PRKCI: variants seen among roughly 807,000 people sequenced by gnomAD.
The protein encoded by PRKCI is protein kinase C iota.
In PRKCI, 43 loss-of-function variants were observed where a neutral mutation model predicts 84.0. That is an observed-to-expected ratio of 0.51 (90% CI 0.40 to 0.66). PRKCI has a LOEUF of 0.66. PRKCI is among the 30% of genes least tolerant of loss of function. The pLI is 0.00. For synonymous variants in PRKCI, 216 were observed against 234.4 expected (o/e 0.92, Z 0.72); for missense variants, 459 against 745.6 (o/e 0.62, Z 4.48).
chr3:170,248,853 C>CTTTTT (rs35355260), intron 2 of PRKCI, among the ~76,000 whole-genome samples: 1 of 142,454 alleles, frequency 7.0e-6, no homozygotes, highest in African/African-American at 2.6e-5. Context: ...TTTTTCTTTT[C>CTTTTT]TTTTTTTTTT....
Position 170,299,094 on chromosome 3 carries a change from C to T in PRKCI, c.1687C>T (p.Leu563Phe), listed in dbSNP as rs139167704. 3.1e-6 allele frequency: 5 copies of T among 1,596,096 alleles called. No homozygotes were observed. The highest frequency in any genetic ancestry group is 4.3e-6 in the Non-Finnish European group (5 of 1,173,470). ...DSQFTNEPVQ[L>F]TPDDDDIVRK... The stretch of plus-strand genomic sequence containing the variant: ...TCAGTTTACTAATGAACCTGTCCAG[C>T]TCACTCCAGATGACGAGTAAGTAAT... Residue 563 changes from leucine (L) to phenylalanine (F), a missense_variant, in exon 17 of 18, where the codon CTC becomes TTC. Leu to Phe is a conservative substitution (Grantham distance 22). Around this residue, in one of 2 missense-constraint regions of PRKCI, gnomAD observed 209 missense variants for 425.9 expected, o/e 0.49. Transcript: ENST00000295797.
intron 2 of PRKCI, among the ~76,000 whole-genome samples, chr3:170,250,687 T>C (rs144037570): frequency 5.4e-4 from 82 of 152,358 alleles, no homozygotes; most frequent in African/African-American, 1.8e-3. Flanking sequence ...TTGTGAGTAA[T>C]GTTGCTACGA....
chr3:170,229,556 C>A (rs966221869), intron 1 of PRKCI, among the ~76,000 whole-genome samples: 4 of 152,206 alleles, frequency 2.6e-5, no homozygotes, highest in African/African-American at 9.6e-5. Flanking sequence ...CTCGGCCTCT[C>A]AAAGTGTAGA....
intron 1 of PRKCI, among the ~76,000 whole-genome samples, chr3:170,230,165 CTT>C (rs545430768): frequency 1.2e-4 from 16 of 134,866 alleles, no homozygotes; most frequent in Admixed American, 1.5e-4. Context: ...TATTATGCAA[CTT>C]TTTTTTTTTT....
At chr3:170,263,032 G>A (rs1281715040) in intron 3 of PRKCI, among the ~76,000 whole-genome samples, 1 of 151,616 alleles carries the variant, frequency 6.6e-6, no homozygotes, top group Non-Finnish European at 1.5e-5. Context: ...AGCCGGGCAT[G>A]GTGGCGCGTG....
At chr3:170,264,573 C>G (rs1577357925) in intron 4 of PRKCI, among the ~76,000 whole-genome samples, 1 of 152,290 alleles carries the variant, frequency 6.6e-6, no homozygotes, top group East Asian at 1.9e-4. Context: ...GCCACTGCAC[C>G]TGGCCCCAAG....
chr3:170,271,920 A>G (rs9867513), intron 6 of PRKCI, among the ~76,000 whole-genome samples: 12,325 of 151,974 alleles, frequency 0.081, 1,199 homozygotes, highest in African/African-American at 0.23. Context: ...TGCAACCTCC[A>G]CCTCCCAGGT....
At chr3:170,297,214 T>A in intron 15 of PRKCI, 90 bp from the exon 16 acceptor site, 1 of 989,768 alleles carries the variant, frequency 1.0e-6, no homozygotes, top group South Asian at 1.4e-5. Flanking sequence ...AATAAGAGTA[T>A]CATGTGAGGG....
At position 170,282,651 on chromosome 3, in the gene PRKCI, C is replaced by A. The variant is rs1196692952; in HGVS notation, c.1067+683C>A. On this transcript the variant is annotated intron_variant, in intron 11 of 17. Coordinates refer to ENST00000295797, the MANE Select transcript of PRKCI (RefSeq NM_002740.6). Reference sequence around the variant, plus strand: ...GGCGGAGGTTGCAGTGAGCCCAGATCGCACCACTGCACTCCAGCCTGGCCA... The same window carrying A: ...GGCGGAGGTTGCAGTGAGCCCAGATAGCACCACTGCACTCCAGCCTGGCCA... Among the ~76,000 whole-genome samples, 6 of 146,174 alleles carry A rather than the reference C, an allele frequency of 4.1e-5. No individual in the cohort carries two copies. The East Asian group carries it at 1.2e-3, about 30-fold the overall frequency.
intron 2 of PRKCI, among the ~76,000 whole-genome samples, chr3:170,240,441 C>G (rs913707263): frequency 3.3e-5 from 5 of 152,198 alleles, no homozygotes; most frequent in Admixed American, 3.3e-4. Context: ...CTATGAAGCT[C>G]TAGGCTTTGT....
At chr3:170,236,889 A>G (rs1020530166) in intron 2 of PRKCI, among the ~76,000 whole-genome samples, 1 of 151,942 alleles carries the variant, frequency 6.6e-6, no homozygotes, top group Non-Finnish European at 1.5e-5. Context: ...AAGAAAGAAA[A>G]AGGGAAAAAG....
chr3:170,278,097 T>G (rs1461588625), intron 8 of PRKCI, among the ~76,000 whole-genome samples: 1 of 152,206 alleles, frequency 6.6e-6, no homozygotes, highest in Non-Finnish European at 1.5e-5. Context: ...GTCAGCTGTT[T>G]TCTTCTTTTT....
intron 2 of PRKCI, among the ~76,000 whole-genome samples, chr3:170,253,746 G>A (rs1393440398): frequency 2.0e-5 from 3 of 151,538 alleles, no homozygotes; most frequent in South Asian, 4.2e-4. Flanking sequence ...AGCCGAGATC[G>A]TGCCACTGCA....
At chr3:170,238,596 T>C (rs898533673) in intron 2 of PRKCI, among the ~76,000 whole-genome samples, 17 of 146,048 alleles carry the variant, frequency 1.2e-4, no homozygotes, top group Admixed American at 6.8e-4. Flanking sequence ...TTTCTTTTCT[T>C]TTTTTTTTTT....
chr3:170,302,936 T>G (rs1734857132), intron 17 of PRKCI, 104 bp from the exon 18 acceptor site: 6 of 693,264 alleles, frequency 8.7e-6, no homozygotes, highest in Non-Finnish European at 1.3e-5. Flanking sequence ...AGATTTCCTT[T>G]CAGTACAATT....
chr3:170,299,017 C>T lies in PRKCI; in HGVS notation c.1610C>T (p.Pro537Leu). ...CAGATGGAGCAAAAACAGGTGGTACCTCCCTTTAAACCAAATATTTCTGGG... is the reference window on the plus strand; with the variant it reads ...CAGATGGAGCAAAAACAGGTGGTACTTCCCTTTAAACCAAATATTTCTGGG... ...WDMMEQKQVV[P>L]PFKPNISGEF... The change falls in exon 17 of 18, where the codon CCT (proline) becomes CTT (leucine). Residue 537 changes from proline (P) to leucine (L), a missense_variant. Physicochemically the swap from Pro to Leu is moderately conservative, Grantham distance 98. Transcript: ENST00000295797. 1.2e-6 allele frequency: 2 copies of T among 1,612,742 alleles called. No individual in the cohort carries two copies. Among genetic ancestry groups the T allele is most frequent in the Non-Finnish European group, 1.7e-6 (2 of 1,179,608 alleles).
chr3:170,282,761 A>G (rs988063691), intron 11 of PRKCI, among the ~76,000 whole-genome samples: 1 of 150,660 alleles, frequency 6.6e-6, no homozygotes, highest in Non-Finnish European at 1.5e-5. Context: ...CCTGTGATTT[A>G]TTGTTCTTTG....
intron 5 of PRKCI, among the ~76,000 whole-genome samples, chr3:170,268,873 G>T (rs907883334): frequency 6.6e-6 from 1 of 152,084 alleles, no homozygotes; most frequent in African/African-American, 2.4e-5. Flanking sequence ...TTTGAAAGCA[G>T]CAGTCTGTCT....
intron 13 of PRKCI, among the ~76,000 whole-genome samples, chr3:170,293,168 T>C (rs557286031): frequency 4.6e-4 from 70 of 152,232 alleles, no homozygotes; most frequent in South Asian, 2.1e-3. Context: ...AGTTTTTTTT[T>C]CTCATAATTT....
Sources: allele counts gnomAD v4.1 joint callset (sites outside exome capture counted in the v4.1 genomes callset), GRCh38; gene constraint gnomAD v4.1.1; regional missense constraint gnomAD v4.1.1; transcripts MANE v1.5; gene names NCBI Gene and HGNC (gene_info 2026-07-23, HGNC 2026-07-21).